The following ANO1 variants were observed in gnomAD, a reference collection of about 807,000 sequenced individuals.
ANO1 encodes the protein anoctamin 1, also known as anoctamin-1.
A neutral mutation model predicts 124.0 loss-of-function variants in ANO1; 59 were observed. That is an observed-to-expected ratio of 0.48 (90% CI 0.39 to 0.59). The LOEUF (loss-of-function observed/expected upper bound fraction) is 0.59, where lower values mean the gene tolerates loss of function less well. ANO1 is among the 20% of genes least tolerant of loss of function. The pLI is 0.00. For synonymous variants in ANO1, 529 were observed against 532.0 expected, an observed-to-expected ratio of 0.99 and a Z score of 0.08; for missense variants, 1,059 against 1,328.0, an observed-to-expected ratio of 0.80 and a Z score of 3.15.
intron 1 of ANO1, among the ~76,000 whole-genome samples, chr11:70,011,560 C>T (rs941526593): frequency 6.6e-6 from 1 of 152,302 alleles, no homozygotes; most frequent in East Asian, 1.9e-4. Flanking sequence ...CACAACCCCC[C>T]ACCTCTACAA....
At chr11:70,048,418 G>T (rs1017756534) in intron 1 of ANO1, among the ~76,000 whole-genome samples, 8 of 152,022 alleles carry the variant, frequency 5.3e-5, no homozygotes, top group Non-Finnish European at 2.9e-5. Flanking sequence ...TTTCAAAAAT[G>T]GTTATGGAAG....
chr11:70,138,207 T>TA (rs2047018223), intron 11 of ANO1, among the ~76,000 whole-genome samples: 1 of 146,386 alleles, frequency 6.8e-6, no homozygotes. Flanking sequence ...TAGCTGGCCG[T>TA]AGTGGCACGC....
intron 8 of ANO1, 129 bp from the exon 9 acceptor site, chr11:70,124,221 C>A: frequency 3.8e-6 from 3 of 792,852 alleles, no homozygotes; most frequent in South Asian, 3.3e-5. Flanking sequence ...CCCACACAGC[C>A]CACTCTCAAG....
chr11:70,167,445 C>A (rs1446421113), intron 21 of ANO1, 58 bp downstream of exon 21: 2 of 1,555,968 alleles, frequency 1.3e-6, no homozygotes, highest in Non-Finnish European at 1.7e-6. Context: ...CAGCATGCCA[C>A]CTGGAGTGGG....
chr11:70,014,079 G>A (rs1856653716), intron 1 of ANO1, among the ~76,000 whole-genome samples: 1 of 152,102 alleles, frequency 6.6e-6, no homozygotes, highest in Non-Finnish European at 1.5e-5. Flanking sequence ...AGGGTCCCAT[G>A]GGGCCGTAGT....
intron 11 of ANO1, 118 bp downstream of exon 11, chr11:70,132,197 T>A: frequency 1.5e-6 from 2 of 1,322,050 alleles, no homozygotes; most frequent in Non-Finnish European, 2.0e-6. Flanking sequence ...GGAAAAAACA[T>A]AGGGGAAGGG....
At position 70,161,345 on chromosome 11, in the gene ANO1, G is replaced by A. The variant is rs1386745384; in HGVS notation, c.1763G>A (p.Arg588Gln). The change falls in exon 17 of 26, where the codon CGA (arginine) becomes CAA (glutamine). Residue 588 changes from arginine (R) to glutamine (Q), a missense_variant. Physicochemically the swap from Arg to Gln is conservative, Grantham distance 43. Around this residue, in one of 2 missense-constraint regions of ANO1, gnomAD observed 809 missense variants for 1,094.9 expected, o/e 0.74. Coordinates refer to ENST00000355303, the MANE Select transcript of ANO1 (RefSeq NM_018043.7). Reference sequence around the variant, plus strand: ...GACGAGGTGTATGGCTGCATAGCCCGATGGCTCACCAAGATCGGTGAGTGC... The same window carrying A: ...GACGAGGTGTATGGCTGCATAGCCCAATGGCTCACCAAGATCGGTGAGTGC... ...LLDEVYGCIA[R>Q]WLTKIEVPKT... The A allele has an allele frequency of 5.0e-6, 8 of 1,613,904 alleles. No homozygotes were observed. Among genetic ancestry groups the A allele is most frequent in the East Asian group, 2.2e-5 (1 of 44,886 alleles).
At chr11:70,167,442 C>G (rs1387749168) in intron 21 of ANO1, 55 bp downstream of exon 21, 11 of 1,559,372 alleles carry the variant, frequency 7.1e-6, no homozygotes, top group Non-Finnish European at 9.6e-6. Flanking sequence ...GGCCAGCATG[C>G]CACCTGGAGT....
chr11:69,982,635 C>T (rs1485053515), upstream of ANO1, among the ~76,000 whole-genome samples: 1 of 152,206 alleles, frequency 6.6e-6, no homozygotes, highest in African/African-American at 2.4e-5. Context: ...TACAGATGCA[C>T]AAACCCGGGT....
At chr11:70,142,986 G>T (rs1440539130) in intron 11 of ANO1, among the ~76,000 whole-genome samples, 1 of 152,312 alleles carries the variant, frequency 6.6e-6, no homozygotes, top group Admixed American at 6.5e-5. Flanking sequence ...GGGCTTCCAT[G>T]TGAATTTGAG....
At chr11:70,149,842 C>T (rs2047529536) in intron 12 of ANO1, 50 bp downstream of exon 12, 1 of 1,589,770 alleles carries the variant, frequency 6.3e-7, no homozygotes, top group Admixed American at 1.7e-5. Flanking sequence ...CACGTTCCCC[C>T]TACCCCAGGA....
intron 1 of ANO1, among the ~76,000 whole-genome samples, chr11:70,066,523 G>C (rs902427920): frequency 1.1e-4 from 16 of 151,862 alleles, no homozygotes; most frequent in African/African-American, 3.9e-4. Flanking sequence ...AGATGAGTCA[G>C]CCATGCCCAA....
intron 1 of ANO1, among the ~76,000 whole-genome samples, chr11:70,020,576 G>C (rs782139624): frequency 6.6e-6 from 1 of 152,178 alleles, no homozygotes; most frequent in Non-Finnish European, 1.5e-5. Context: ...GTCACCAGAC[G>C]GGTATTTGTC....
intron 7 of ANO1, among the ~76,000 whole-genome samples, chr11:70,116,227 G>A (rs1022663018): frequency 1.3e-5 from 2 of 152,204 alleles, no homozygotes; most frequent in Admixed American, 6.5e-5. Context: ...GGCTCAGGCC[G>A]TCCTGGTGGT....
chr11:69,973,055 G>A, the ANO1 span, among the ~76,000 whole-genome samples: 2 of 151,984 alleles, frequency 1.3e-5, no homozygotes, highest in African/African-American at 2.4e-5. Context: ...AATTACAGGC[G>A]TGTGCCACCA....
chr11:70,085,665 T>G, intron 1 of ANO1: 1 of 1,485,816 alleles, frequency 6.7e-7, no homozygotes, highest in Non-Finnish European at 8.9e-7. Flanking sequence ...TCAACACCTA[T>G]GAAAGGTGGG....
intron 1 of ANO1, among the ~76,000 whole-genome samples, chr11:70,022,722 C>T (rs1298711159): frequency 1.3e-5 from 2 of 152,156 alleles, no homozygotes; most frequent in Non-Finnish European, 2.9e-5. Flanking sequence ...CAAGCAGAAT[C>T]ACGACCCCCA....
rs1028370801 is a variant in ANO1 at position 70,045,609 on chromosome 11, G to T, written c.59-32933G>T. On this transcript the variant is annotated intron_variant, in intron 1 of 27. Transcript: ENST00000531349. ...ATCGATGGAGGGTCTAGCTTGTCTG[G>T]ATGTGAGGCTGGACATGACTCATAC... Among the ~76,000 whole-genome samples, 12 of 152,158 alleles carry T rather than the reference G, an allele frequency of 7.9e-5. 1 individual carries two copies. The highest frequency in any genetic ancestry group is 5.2e-4 in the Admixed American group (8 of 15,274).
chr11:70,108,721 C>A (rs2045656342), intron 6 of ANO1, among the ~76,000 whole-genome samples: 1 of 152,168 alleles, frequency 6.6e-6, no homozygotes, highest in Non-Finnish European at 1.5e-5. Context: ...GGATTCCTGG[C>A]CCTCTCTTGA....
Sources: allele counts gnomAD v4.1 joint callset (sites outside exome capture counted in the v4.1 genomes callset), GRCh38; gene constraint gnomAD v4.1.1; regional missense constraint gnomAD v4.1.1; transcripts MANE v1.5; gene names NCBI Gene and HGNC (gene_info 2026-07-23, HGNC 2026-07-21).